The following SLC41A2 variants were observed in gnomAD, a reference collection of about 807,000 sequenced individuals.
SLC41A2 encodes the protein SLC41A1-like 1.
In SLC41A2, 32 loss-of-function variants were observed where a neutral mutation model predicts 58.3. The observed-to-expected ratio is 0.55, with a 90% CI of 0.41 to 0.74. SLC41A2 has a LOEUF of 0.74. SLC41A2 is among the 30% of genes least tolerant of loss of function. The probability of loss-of-function intolerance (pLI) is 0.00; values close to 1 mark genes in which losing one functional copy is unlikely to be tolerated. For missense variants in SLC41A2, 514 were observed against 680.6 expected (o/e 0.76, Z 2.72); for synonymous variants, 190 against 235.0 (o/e 0.81, Z 1.75).
At chr12:104,915,383 A>G (rs1176483295) in intron 2 of SLC41A2, among the ~76,000 whole-genome samples, 1 of 152,164 alleles carries the variant, frequency 6.6e-6, no homozygotes, top group Non-Finnish European at 1.5e-5. Context: ...CACGATATTG[A>G]TTCTTCCTAC....
intron 10 of SLC41A2, among the ~76,000 whole-genome samples, chr12:104,813,927 C>T (rs990596702): frequency 6.6e-6 from 1 of 151,216 alleles, no homozygotes; most frequent in Non-Finnish European, 1.5e-5. Flanking sequence ...TGAGCCTCCG[C>T]ACCCAGTCAC....
chr12:104,873,602 A>G (rs558516726), intron 6 of SLC41A2, among the ~76,000 whole-genome samples: 21 of 152,182 alleles, frequency 1.4e-4, no homozygotes, highest in Non-Finnish European at 2.6e-4. Flanking sequence ...AGGAACCTCC[A>G]TACTGTTTTC....
intron 5 of SLC41A2, among the ~76,000 whole-genome samples, chr12:104,887,573 T>TA (rs934860516): frequency 1.1e-4 from 17 of 151,814 alleles, no homozygotes; most frequent in East Asian, 5.8e-4. Context: ...GAAAACTTTT[T>TA]AAAAAAAATA....
At chr12:104,889,249 A>C (rs1405712991) in intron 4 of SLC41A2, 72 bp from the exon 5 acceptor site, 3 of 1,447,328 alleles carry the variant, frequency 2.1e-6, no homozygotes, top group Non-Finnish European at 2.8e-6. Flanking sequence ...GATTATGTAA[A>C]TATTACTACA....
At chr12:104,849,622 G>A (rs761235507) in intron 8 of SLC41A2, among the ~76,000 whole-genome samples, 8 of 152,112 alleles carry the variant, frequency 5.3e-5, no homozygotes, top group African/African-American at 9.7e-5. Flanking sequence ...GAGCCTAGGC[G>A]TTTGAAACCA....
chr12:104,824,137 G>A (rs529127526), intron 10 of SLC41A2, among the ~76,000 whole-genome samples: 39 of 152,228 alleles, frequency 2.6e-4, no homozygotes, highest in African/African-American at 8.2e-4. Flanking sequence ...CTCCACCCCC[G>A]GGCCTGTGCC....
intron 6 of SLC41A2, among the ~76,000 whole-genome samples, chr12:104,873,823 G>A (rs1394480666): frequency 1.3e-5 from 2 of 151,942 alleles, no homozygotes; most frequent in Non-Finnish European, 2.9e-5. Context: ...ATTTTTATGT[G>A]CTCTTGGGGG....
chr12:104,837,337 GGACTT>G (rs1289156530), intron 10 of SLC41A2, among the ~76,000 whole-genome samples: 1 of 152,046 alleles, frequency 6.6e-6, no homozygotes, highest in African/African-American at 2.4e-5. Context: ...TATCCCAGAG[GGACTT>G]TCTGGGGTCA....
chr12:104,808,575 G>A (rs1566089897), intron 10 of SLC41A2, among the ~76,000 whole-genome samples: 1 of 152,102 alleles, frequency 6.6e-6, no homozygotes, highest in Non-Finnish European at 1.5e-5. Flanking sequence ...GATGATGCTG[G>A]CCTCATAAAA....
chr12:104,895,520 G>A (rs1352940848), intron 3 of SLC41A2, among the ~76,000 whole-genome samples, 175 bp from the exon 4 acceptor site: 1 of 152,058 alleles, frequency 6.6e-6, no homozygotes, highest in East Asian at 1.9e-4. Flanking sequence ...CTAACGCTAG[G>A]CTTGACTAAC....
intron 10 of SLC41A2, among the ~76,000 whole-genome samples, chr12:104,838,988 T>G (rs543050454): frequency 6.6e-6 from 1 of 152,356 alleles, no homozygotes; most frequent in Admixed American, 6.5e-5. Flanking sequence ...GGAAACATTT[T>G]GTTTCTCCCA....
intron 3 of SLC41A2, among the ~76,000 whole-genome samples, chr12:104,898,298 C>G (rs1373230070): frequency 6.6e-6 from 1 of 152,006 alleles, no homozygotes; most frequent in East Asian, 1.9e-4. Flanking sequence ...ATCCCAAAAG[C>G]CTTCTTCTGC....
intron 10 of SLC41A2, among the ~76,000 whole-genome samples, chr12:104,820,030 C>G (rs964929929): frequency 6.6e-6 from 1 of 152,346 alleles, no homozygotes; most frequent in Middle Eastern, 3.4e-3. Flanking sequence ...AAATCTGCTA[C>G]AGCAAACCTA....
Position 104,805,084 on chromosome 12 carries a change from A to T in SLC41A2, c.*68T>A. 1 of 1,350,778 alleles carries T rather than the reference A, an allele frequency of 7.4e-7. No homozygotes were observed. The highest frequency in any genetic ancestry group is 2.4e-5 in the Admixed American group (1 of 42,284). 83.7% of individuals were successfully genotyped at this position (1,350,778 alleles called of 1,614,324 possible). On this transcript the variant is annotated 3_prime_UTR_variant, in exon 11 of 11. Transcript: ENST00000258538. ...TCAAACTACTGATTTAAGAGTTTTG[A>T]AAAAGAGCCATAAGTGGTTGTCGTG...
intron 1 of SLC41A2, among the ~76,000 whole-genome samples, chr12:104,946,751 T>G (rs2047733809): frequency 6.6e-6 from 1 of 152,218 alleles, no homozygotes; most frequent in Non-Finnish European, 1.5e-5. Flanking sequence ...CGGGGGAATT[T>G]CAAGTGACTT....
At chr12:104,956,780 T>C (rs571850202) in intron 1 of SLC41A2, among the ~76,000 whole-genome samples, 4 of 152,192 alleles carry the variant, frequency 2.6e-5, no homozygotes, top group Non-Finnish European at 5.9e-5. Context: ...AATATATGAA[T>C]GGCCAATAAG....
At chr12:104,912,477 A>C (rs146225183) in intron 2 of SLC41A2, among the ~76,000 whole-genome samples, 189 of 152,240 alleles carry the variant, frequency 1.2e-3, no homozygotes, top group Middle Eastern at 6.8e-3. Context: ...GTCCAAAAGG[A>C]CTTGGTTTGG....
At chr12:104,935,972 G>A (rs186016994) in intron 1 of SLC41A2, among the ~76,000 whole-genome samples, 5 of 152,140 alleles carry the variant, frequency 3.3e-5, no homozygotes, top group Admixed American at 3.3e-4. Flanking sequence ...GAACCCAGGA[G>A]GCAGAGGTTG....
rs571539987 is a variant in SLC41A2 at position 104,881,061 on chromosome 12, G to A, written c.1027+5232C>T. 4.6e-5 allele frequency among the ~76,000 whole-genome samples: 7 copies of A among 152,252 alleles called. No homozygotes were observed. The East Asian group carries it at 1.2e-3, about 25-fold the overall frequency. On this transcript the variant is annotated intron_variant, in intron 6 of 10. Coordinates refer to ENST00000258538, the MANE Select transcript of SLC41A2 (RefSeq NM_001352171.3). Reference sequence around the variant, plus strand: ...AGTCTTGGGAGGGTGTATGTGTCCAGGAATTTATCCATTTCTTCTAGATTT... The same window carrying A: ...AGTCTTGGGAGGGTGTATGTGTCCAAGAATTTATCCATTTCTTCTAGATTT...
Sources: allele counts gnomAD v4.1 joint callset (sites outside exome capture counted in the v4.1 genomes callset), GRCh38; gene constraint gnomAD v4.1.1; transcripts MANE v1.5; gene names NCBI Gene and HGNC (gene_info 2026-07-23, HGNC 2026-07-21).